Variants in FBXL17 observed in about 807,000 individuals in gnomAD.
FBXL17 encodes F-box/LRR-repeat protein 17.
Under a neutral mutation model 66.2 loss-of-function variants are expected in FBXL17, and 22 were observed. The observed-to-expected ratio is 0.33, with a 90% CI of 0.24 to 0.47. The LOEUF (loss-of-function observed/expected upper bound fraction) is 0.47, where lower values mean the gene tolerates loss of function less well. Ranked by LOEUF, FBXL17 falls within the 20% of genes least tolerant of loss-of-function variation. FBXL17 has a pLI of 1.00. For synonymous variants in FBXL17, 474 were observed against 400.5 expected (o/e 1.18, Z -2.19); for missense variants, 878 against 948.2 (o/e 0.93, Z 0.97).
chr5:108,248,827 C>T (rs1345393117), intron 4 of FBXL17, among the ~76,000 whole-genome samples: 2 of 151,846 alleles, frequency 1.3e-5, no homozygotes, highest in Admixed American at 1.3e-4. Flanking sequence ...GAACTGTCAG[C>T]CAGAGTTCTA....
At chr5:107,903,831 T>C (rs930896933) in intron 7 of FBXL17, among the ~76,000 whole-genome samples, 4 of 152,160 alleles carry the variant, frequency 2.6e-5, no homozygotes, top group African/African-American at 9.7e-5. Context: ...ATTTGAGCTT[T>C]ACTGGTGCAA....
intron 6 of FBXL17, among the ~76,000 whole-genome samples, chr5:108,038,736 AT>A (rs1295553266): frequency 5.3e-5 from 8 of 152,098 alleles, no homozygotes; most frequent in Non-Finnish European, 7.4e-5. Flanking sequence ...TCACAAAAAA[AT>A]ATGCTTTTGA....
chr5:108,380,822 C>G lies in FBXL17; in HGVS notation c.870G>C (p.Gln290His), dbSNP rs1009714152. 2.7e-5 allele frequency: 34 copies of G among 1,248,030 alleles called. No homozygotes were observed. The highest frequency in any genetic ancestry group is 4.2e-5 in the Admixed American group (1 of 23,710). 77.3% of individuals were successfully genotyped at this position (1,248,030 alleles called of 1,614,324 possible). The stretch of plus-strand genomic sequence containing the variant: ...CCGCGTCGCCACATTCATGCTGCTG[C>G]TGGGCGGACAAGGGGGCGGTGCCCC... ...RAGGTAPLSA[Q>H]QQHECGDADC... The change falls in exon 1 of 9, where the codon CAG (glutamine) becomes CAC (histidine). Residue 290 changes from glutamine (Q) to histidine (H), a missense_variant. Physicochemically the swap from Gln to His is conservative, Grantham distance 24. Around this residue, in one of 4 missense-constraint regions of FBXL17, gnomAD observed 605 missense variants for 509.5 expected, o/e 1.19. Transcript: ENST00000542267.
intron 7 of FBXL17, among the ~76,000 whole-genome samples, chr5:107,909,909 A>G (rs1271508408): frequency 2.0e-5 from 3 of 152,110 alleles, no homozygotes; most frequent in Non-Finnish European, 4.4e-5. Flanking sequence ...GCAAACAAAT[A>G]TATTTATATT....
intron 4 of FBXL17, among the ~76,000 whole-genome samples, chr5:108,245,645 C>A (rs1279974450): frequency 1.3e-5 from 2 of 152,156 alleles, no homozygotes; most frequent in Non-Finnish European, 2.9e-5. Context: ...GTAACTCAGT[C>A]CCCTTGGCAT....
intron 4 of FBXL17, among the ~76,000 whole-genome samples, chr5:108,332,315 C>T (rs1390022827): frequency 6.6e-6 from 1 of 151,962 alleles, no homozygotes; most frequent in African/African-American, 2.4e-5. Context: ...TATCATGAAC[C>T]AACGATTGTA....
chr5:108,342,045 C>T (rs1561540238), intron 4 of FBXL17, among the ~76,000 whole-genome samples: 1 of 152,124 alleles, frequency 6.6e-6, no homozygotes. Flanking sequence ...CAGTATAACT[C>T]TTGTTTAATT....
chr5:107,941,703 C>G (rs1049836277), intron 7 of FBXL17, among the ~76,000 whole-genome samples: 1 of 152,224 alleles, frequency 6.6e-6, no homozygotes. Flanking sequence ...GAAAGAGAAA[C>G]TCTTCACTGT....
intron 4 of FBXL17, among the ~76,000 whole-genome samples, chr5:108,301,684 T>C (rs902111385): frequency 2.0e-5 from 3 of 151,748 alleles, no homozygotes; most frequent in African/African-American, 7.2e-5. Context: ...AATTTTAACA[T>C]TCCTGGAAAA....
intron 3 of FBXL17, among the ~76,000 whole-genome samples, chr5:108,349,246 A>C (rs1291818884): frequency 6.6e-6 from 1 of 152,244 alleles, no homozygotes; most frequent in Non-Finnish European, 1.5e-5. Context: ...TTATAGTATA[A>C]TCCAATTTTA....
At position 108,349,040 on chromosome 5, in the gene FBXL17, G is replaced by C. The variant is rs987669417; in HGVS notation, c.1375-510C>G. ...AGACTAGTCTCAAACTCCTGGCCTCGAGCAATCCTCCCACCTCAGCCTCCC... is the reference window on the plus strand; with the variant it reads ...AGACTAGTCTCAAACTCCTGGCCTCCAGCAATCCTCCCACCTCAGCCTCCC... On this transcript the variant is annotated intron_variant, in intron 3 of 8. Coordinates refer to ENST00000542267, the MANE Select transcript of FBXL17 (RefSeq NM_001163315.3). 7.2e-5 allele frequency among the ~76,000 whole-genome samples: 11 copies of C among 151,942 alleles called. No individual in the cohort carries two copies. In the South Asian group the frequency reaches 8.3e-4, roughly 11 times the overall value.
Position 108,177,088 on chromosome 5 carries a change from C to T in FBXL17, c.1745+9029G>A, listed in dbSNP as rs147459747. The stretch of plus-strand genomic sequence containing the variant: ...CTTTAATCTGCAATGGTTAAGTATT[C>T]GCTACAACCTACAAGGAAGCATTTA... On this transcript the variant is annotated intron_variant, in intron 6 of 8. Transcript: ENST00000542267. Among the ~76,000 whole-genome samples the T allele has an allele frequency of 3.9e-3, 598 of 152,204 alleles. 1 individual carries two copies. Among genetic ancestry groups the T allele is most frequent in the African/African-American group, 0.014 (569 of 41,532 alleles).
chr5:107,926,564 T>A (rs796260931), intron 7 of FBXL17, among the ~76,000 whole-genome samples: 8 of 151,888 alleles, frequency 5.3e-5, no homozygotes, highest in African/African-American at 1.9e-4. Flanking sequence ...TGGTGATTAA[T>A]GTGTGTCATG....
chr5:108,271,529 A>T (rs559581170), intron 4 of FBXL17, among the ~76,000 whole-genome samples: 2 of 152,230 alleles, frequency 1.3e-5, no homozygotes, highest in East Asian at 3.9e-4. Context: ...AACACACATT[A>T]TCAAGGATGG....
chr5:108,126,039 T>C (rs1186566339), intron 6 of FBXL17, among the ~76,000 whole-genome samples: 1 of 152,116 alleles, frequency 6.6e-6, no homozygotes, highest in Non-Finnish European at 1.5e-5. Flanking sequence ...ATTGCTCTGA[T>C]GGAATGGGGC....
At chr5:107,940,242 T>TATTCATTCATTC (rs72049876) in intron 7 of FBXL17, among the ~76,000 whole-genome samples, 15 of 151,078 alleles carry the variant, frequency 9.9e-5, no homozygotes, top group African/African-American at 3.2e-4. Context: ...GAATAAATTT[T>TATTCATTCATTC]ATTCATTCAT....
At chr5:107,891,256 T>C (rs935962878) in intron 7 of FBXL17, among the ~76,000 whole-genome samples, 6 of 152,058 alleles carry the variant, frequency 3.9e-5, no homozygotes, top group African/African-American at 1.4e-4. Context: ...TGGAGTGCCG[T>C]TGAGATGAGA....
intron 4 of FBXL17, among the ~76,000 whole-genome samples, chr5:108,274,920 T>C (rs1757424421): frequency 6.6e-6 from 1 of 152,196 alleles, no homozygotes; most frequent in African/African-American, 2.4e-5. Context: ...ATTATTACTA[T>C]TATTATCCTA....
At chr5:108,276,578 C>A (rs1020501204) in intron 4 of FBXL17, among the ~76,000 whole-genome samples, 1 of 152,100 alleles carries the variant, frequency 6.6e-6, no homozygotes, top group African/African-American at 2.4e-5. Flanking sequence ...ATAATGATCT[C>A]TGACAAGCTA....
Sources: allele counts gnomAD v4.1 joint callset (sites outside exome capture counted in the v4.1 genomes callset), GRCh38; gene constraint gnomAD v4.1.1; regional missense constraint gnomAD v4.1.1; transcripts MANE v1.5; gene names NCBI Gene and HGNC (gene_info 2026-07-23, HGNC 2026-07-21).